Variants in WNK3 observed in about 807,000 individuals in gnomAD.
WNK3 encodes serine/threonine-protein kinase WNK3.
A neutral mutation model predicts 116.7 loss-of-function variants in WNK3; 18 were observed. That is an observed-to-expected ratio of 0.15 (90% CI 0.11 to 0.23). The LOEUF (loss-of-function observed/expected upper bound fraction) is 0.23, where lower values mean the gene tolerates loss of function less well. Among genes scored for constraint, WNK3 ranks in the 10% least tolerant of loss-of-function variants. WNK3 has a pLI of 1.00. For synonymous variants in WNK3, 404 were observed against 469.4 expected, an observed-to-expected ratio of 0.86 and a Z score of 1.80; for missense variants, 993 against 1,323.8, an observed-to-expected ratio of 0.75 and a Z score of 3.88.
chrX:54,296,768 G>A (rs1022054108), intron 7 of WNK3, among the ~76,000 whole-genome samples: 2 of 111,085 alleles, frequency 1.8e-5, no homozygotes, highest in Non-Finnish European at 1.9e-5. Context: ...CTGGTTTTGA[G>A]TACATGCTGC....
At chrX:54,248,566 T>G (rs1241293475) in intron 17 of WNK3, 131 bp downstream of exon 17, 2 of 550,448 alleles carry the variant, frequency 3.6e-6, no homozygotes, top group Non-Finnish European at 5.7e-6. Context: ...ATAGCCTTCT[T>G]AAATACCTGT....
In WNK3 at chrX:54,357,688, G is replaced by C. The variant is rs1370963314; in HGVS notation, c.-122C>G. The C allele has an allele frequency of 8.9e-6, 1 of 112,140 alleles. No homozygotes were observed. The highest frequency in any genetic ancestry group is 1.9e-5 in the Non-Finnish European group (1 of 53,204). The allele number at this position is 112,140 out of a possible 1,213,427, so 9.2% of individuals were successfully genotyped here. A position where few individuals can be genotyped will look rare whatever the true frequency, so the allele number is the denominator to read the frequency against. On this transcript the variant is annotated splice_region_variant and 5_prime_UTR_variant, in exon 1 of 24. It adds an upstream start codon to the 5' untranslated region. Transcript: ENST00000354646. ...CCCGGCCGGCCCGGGACCCTCACCA[G>C]ATTAGAGGCTCTCGCAAAGGAAGAC...
chrX:54,333,468 T>C, exon 2 of WNK3: 1 of 1,210,833 alleles, frequency 8.3e-7, no homozygotes, highest in Non-Finnish European at 1.1e-6. Context: ...GGCAACTTTG[T>C]CATCTTCCGT....
Position 54,228,695 on chromosome X carries a change from A to C in WNK3, c.4870+19T>G. On this transcript the variant is annotated intron_variant, in intron 22 of 23. Coordinates refer to ENST00000354646, the Ensembl canonical transcript of WNK3. ...TTTTTTAAAAAAATTAAAAGTAAAG[A>C]AGCAAAAGAAATACTTACTTTCCAA... 1 of 477,134 alleles carries C rather than the reference A, an allele frequency of 2.1e-6. No homozygotes were observed. The highest frequency in any genetic ancestry group is 3.8e-6 in the Non-Finnish European group (1 of 264,168). The allele number at this position is 477,134 out of a possible 1,213,427, so 39.3% of individuals were successfully genotyped here.
At chrX:54,321,209 CT>C (rs1200094873) in intron 2 of WNK3, among the ~76,000 whole-genome samples, 3 of 111,920 alleles carry the variant, frequency 2.7e-5, no homozygotes, top group African/African-American at 9.7e-5. Context: ...TGTTTTATTT[CT>C]TAAACTGGGC....
chrX:54,276,504 G>T (rs782810233), intron 10 of WNK3, among the ~76,000 whole-genome samples: 1 of 110,967 alleles, frequency 9.0e-6, no homozygotes, highest in African/African-American at 3.3e-5. Context: ...TGAACTTAAG[G>T]TTCAAAAATC....
At chrX:54,347,711 CAT>C (rs202219308) in intron 1 of WNK3, among the ~76,000 whole-genome samples, 12,023 of 103,282 alleles carry the variant, frequency 0.12, 1,332 homozygotes, top group African/African-American at 0.34. Context: ...TATATATACA[CAT>C]ATATATATAT....
chrX:54,232,786 A>T, intron 21 of WNK3, 23 bp downstream of exon 21: 1 of 1,173,653 alleles, frequency 8.5e-7, no homozygotes, highest in Non-Finnish European at 1.1e-6. Flanking sequence ...ATTTTTTAAA[A>T]ATTACTTTTA....
At chrX:54,224,673 C>T (rs1557147378) in intron 22 of WNK3, among the ~76,000 whole-genome samples, 2 of 108,691 alleles carry the variant, frequency 1.8e-5, no homozygotes, top group African/African-American at 6.7e-5. Flanking sequence ...GGGTTCACGC[C>T]ATTCTCCTGC....
chrX:54,207,424 A>G (rs1557142867), intron 22 of WNK3, among the ~76,000 whole-genome samples: 1 of 109,238 alleles, frequency 9.2e-6, no homozygotes, highest in African/African-American at 3.3e-5. Context: ...TTGCATTTTT[A>G]CCGTTTGCAT....
chrX:54,323,260 C>G (rs1391090151), intron 2 of WNK3, among the ~76,000 whole-genome samples: 3 of 111,262 alleles, frequency 2.7e-5, no homozygotes, highest in Non-Finnish European at 5.6e-5. Flanking sequence ...TGCATCACTT[C>G]TGTGGTATTC....
intron 11 of WNK3, among the ~76,000 whole-genome samples, chrX:54,257,470 T>C (rs1441317598): frequency 1.8e-5 from 2 of 110,678 alleles, no homozygotes; most frequent in Non-Finnish European, 3.8e-5. Context: ...AACCTATGCA[T>C]CTAAACAAGG....
At position 54,333,799 on chromosome X, in the gene WNK3, G is replaced by T. The variant is rs187821343; in HGVS notation, c.-119-7C>A. 4 of 464,898 alleles carry T rather than the reference G, an allele frequency of 8.6e-6. No individual in the cohort carries two copies. The highest frequency in any genetic ancestry group is 4.9e-5 in the African/African-American group (2 of 41,169). 38.3% of individuals were successfully genotyped at this position (464,898 alleles called of 1,213,427 possible). On this transcript the variant is annotated splice_polypyrimidine_tract_variant and splice_region_variant and intron_variant, in intron 1 of 23. Transcript: ENST00000354646. ...CATGTATTTCCATAGCAACCTGAAG[G>T]GGGGGAAAAAGATATTTTAAAATCA...
intron 5 of WNK3, among the ~76,000 whole-genome samples, chrX:54,303,025 G>GCTT (rs1218150094): frequency 1.0e-5 from 1 of 96,050 alleles, no homozygotes; most frequent in Non-Finnish European, 2.0e-5. Flanking sequence ...TCCTGCCTCA[G>GCTT]CTTCCCAAAG....
chrX:54,193,998 A>G (rs2067422474), exon 24 of WNK3: 1 of 111,641 alleles, frequency 9.0e-6, no homozygotes, highest in Non-Finnish European at 1.9e-5. Context: ...CAGAAGATAA[A>G]ATAACTGAAT....
chrX:54,334,087 AC>A (rs1270443308), intron 1 of WNK3, among the ~76,000 whole-genome samples: 2 of 110,781 alleles, frequency 1.8e-5, no homozygotes, highest in Admixed American at 1.9e-4. Flanking sequence ...CAAAATGAGT[AC>A]CCAAACCCTG....
chrX:54,249,025 T>G lies in WNK3; in HGVS notation c.3323A>C (p.Asn1108Thr), dbSNP rs782635253. ...TTTTTCATCCAGAGTTTTAATTCGG[T>G]TGTCTGCAAACTCCAGTTTTGGAGG... Residue 1108 changes from asparagine to threonine, a missense_variant, in exon 17 of 24, where the codon AAC (asparagine) becomes ACC (threonine). By Grantham distance (65) the Asn-to-Thr change is moderately conservative. This residue lies in a region of WNK3 where 836 missense variants were observed against 976.5 expected (regional missense o/e 0.86). Transcript: ENST00000354646. 3.3e-4 allele frequency: 404 copies of G among 1,210,286 alleles called. No homozygotes were observed. The highest frequency in any genetic ancestry group is 4.4e-4 in the Non-Finnish European group (395 of 895,297).
intron 12 of WNK3, 85 bp from the exon 13 acceptor site, chrX:54,254,160 G>T: frequency 1.8e-6 from 1 of 547,497 alleles, no homozygotes; most frequent in Non-Finnish European, 3.0e-6. Context: ...ACTAGTTCAC[G>T]TACAATATAT....
exon 24 of WNK3, chrX:54,196,172 A>T (rs1442303673): frequency 9.0e-6 from 1 of 111,476 alleles, no homozygotes; most frequent in Non-Finnish European, 1.9e-5. Context: ...AAGCATTTGC[A>T]TTACACTAAT....
Sources: gnomAD v4.1 joint callset for allele counts (sites outside exome capture counted in the v4.1 genomes callset) on GRCh38, gnomAD v4.1.1 for gene constraint, gnomAD v4.1.1 regional missense constraint, MANE v1.5 for transcripts, NCBI Gene and HGNC (gene_info 2026-07-23, HGNC 2026-07-21) for gene names.